ARFGEF1: variants seen among roughly 807,000 people sequenced by gnomAD.
ARFGEF1 encodes brefeldin A-inhibited guanine nucleotide-exchange protein 1.
ARFGEF1 carries 42 observed loss-of-function variants against 231.0 expected under a neutral mutation model. The observed-to-expected ratio is 0.18, with a 90% confidence interval of 0.14 to 0.24. The LOEUF (loss-of-function observed/expected upper bound fraction) is 0.24, where lower values mean the gene tolerates loss of function less well. Ranked by LOEUF, ARFGEF1 falls within the 10% of genes least tolerant of loss-of-function variation. ARFGEF1 has a pLI of 1.00. For missense variants in ARFGEF1, 1,345 were observed against 2,192.0 expected (o/e 0.61, Z 7.72); for synonymous variants, 710 against 732.3 (o/e 0.97, Z 0.49).
intron 1 of ARFGEF1, among the ~76,000 whole-genome samples, chr8:67,341,469 T>C (rs748383454): frequency 2.8e-4 from 42 of 148,940 alleles, no homozygotes; most frequent in South Asian, 1.5e-3. Context: ...TGTGGTGGTG[T>C]GCCTGAAGTC....
intron 4 of ARFGEF1, among the ~76,000 whole-genome samples, chr8:67,297,055 A>C (rs907979964): frequency 6.6e-6 from 1 of 152,242 alleles, no homozygotes; most frequent in African/African-American, 2.4e-5. Context: ...TAGTATACAC[A>C]GAATTTCTAC....
downstream of ARFGEF1, chr8:67,195,854 A>G (rs1288474028): frequency 1.5e-5 from 6 of 395,416 alleles, no homozygotes; most frequent in South Asian, 9.6e-5. Context: ...TTGAACTACT[A>G]TATGTGCATT....
intron 6 of ARFGEF1, among the ~76,000 whole-genome samples, chr8:67,289,648 A>C (rs1357976976): frequency 6.6e-6 from 1 of 151,458 alleles, no homozygotes; most frequent in African/African-American, 2.4e-5. Flanking sequence ...CTATAATTTC[A>C]CTTTTACTAA....
At chr8:67,208,986 G>A (rs995917868) in intron 34 of ARFGEF1, among the ~76,000 whole-genome samples, 8 of 152,222 alleles carry the variant, frequency 5.3e-5, no homozygotes, top group Non-Finnish European at 1.2e-4. Flanking sequence ...ATTGCTGGTG[G>A]GAATGTAAAA....
chr8:67,184,611 G>C, intron 5 of ARFGEF1, among the ~76,000 whole-genome samples: 1 of 151,748 alleles, frequency 6.6e-6, no homozygotes, highest in Non-Finnish European at 1.5e-5. Flanking sequence ...TGTAGTCCCA[G>C]CTATCTGGGA....
chr8:67,296,643 A>G (rs754094264), intron 4 of ARFGEF1, 33 bp from the exon 5 acceptor site: 13 of 1,510,844 alleles, frequency 8.6e-6, no homozygotes, highest in African/African-American at 1.4e-5. Context: ...AGTTAAAGAG[A>G]TTTTCTTTTT....
intron 22 of ARFGEF1, among the ~76,000 whole-genome samples, chr8:67,235,716 A>G (rs1321336988): frequency 6.6e-6 from 1 of 152,162 alleles, no homozygotes; most frequent in Non-Finnish European, 1.5e-5. Context: ...AATTTAAAAA[A>G]AAGTTGAGCC....
intron 1 of ARFGEF1, among the ~76,000 whole-genome samples, chr8:67,305,833 A>C (rs1806717161): frequency 6.6e-6 from 1 of 152,222 alleles, no homozygotes; most frequent in Non-Finnish European, 1.5e-5. Context: ...GATTAAATCA[A>C]ACTTGATTTC....
At chr8:67,180,076 A>G (rs1832656962) in intron 5 of ARFGEF1, 1 of 511,990 alleles carries the variant, frequency 2.0e-6, no homozygotes. Flanking sequence ...TATGCCTTGG[A>G]AAGTTTTCAA....
At chr8:67,201,813 T>A in intron 36 of ARFGEF1, 8 of 577,752 alleles carry the variant, frequency 1.4e-5, no homozygotes, top group Non-Finnish European at 2.3e-5. Context: ...TAAAAAAACT[T>A]GTGGCCTGGG....
rs765344426 is a variant in ARFGEF1, at chr8:67,249,506, C to T, written c.2850+1793G>A. Among the ~76,000 whole-genome samples the T allele has an allele frequency of 3.3e-5, 5 of 150,220 alleles. 1 individual carries two copies. Among genetic ancestry groups the T allele is most frequent in the Non-Finnish European group, 5.9e-5 (4 of 67,850 alleles). On this transcript the variant is annotated intron_variant, in intron 19 of 38. Transcript: ENST00000262215. ...ATAGGCAGATATACAGATAGACAGA[C>T]GGATAGATAAATCTACAGATATACT...
intron 19 of ARFGEF1, among the ~76,000 whole-genome samples, chr8:67,245,957 T>C (rs1173625569): frequency 6.7e-6 from 1 of 150,216 alleles, no homozygotes; most frequent in Non-Finnish European, 1.5e-5. Context: ...TATACTTGTA[T>C]CAGAAAAAAT....
At chr8:67,274,279 A>C (rs539738892) in intron 9 of ARFGEF1, among the ~76,000 whole-genome samples, 12 of 152,030 alleles carry the variant, frequency 7.9e-5, no homozygotes, top group South Asian at 4.1e-4. Context: ...GGAAGCAAAG[A>C]CAAAAAAAAG....
At chr8:67,217,196 T>C (rs1394096957) in intron 32 of ARFGEF1, among the ~76,000 whole-genome samples, 6 of 150,124 alleles carry the variant, frequency 4.0e-5, no homozygotes, top group Admixed American at 1.3e-4. Context: ...CCTAGCTACT[T>C]GGGAGGCTAA....
At chr8:67,256,131 T>C (rs969455989) in intron 17 of ARFGEF1, among the ~76,000 whole-genome samples, 2 of 152,086 alleles carry the variant, frequency 1.3e-5, no homozygotes, top group Non-Finnish European at 2.9e-5. Context: ...GACTGAAAAT[T>C]CTGGTGTAAA....
intron 1 of ARFGEF1, among the ~76,000 whole-genome samples, chr8:67,315,537 AC>A (rs540902801): frequency 2.2e-4 from 33 of 152,224 alleles, no homozygotes; most frequent in Non-Finnish European, 3.4e-4. Flanking sequence ...CTGAGATCAT[AC>A]AGAGTGTGTT....
At chr8:67,202,966 G>A (rs1257453462) in intron 36 of ARFGEF1, 117 bp downstream of exon 36, 2 of 1,069,540 alleles carry the variant, frequency 1.9e-6, no homozygotes, top group African/African-American at 1.6e-5. Context: ...TAAGGTCAGA[G>A]TACATATAGT....
chr8:67,272,850 G>A (rs1587185010), intron 9 of ARFGEF1, among the ~76,000 whole-genome samples: 1 of 152,104 alleles, frequency 6.6e-6, no homozygotes, highest in East Asian at 1.9e-4. Context: ...GCTCATGCCT[G>A]TAATCCCAGC....
At chr8:67,236,492 C>T (rs114350080) in intron 22 of ARFGEF1, among the ~76,000 whole-genome samples, 334 of 148,080 alleles carry the variant, frequency 2.3e-3, no homozygotes, top group African/African-American at 7.9e-3. Context: ...CAACATTCTG[C>T]TCCAGAAAGC....
Sources: allele counts gnomAD v4.1 joint callset (sites outside exome capture counted in the v4.1 genomes callset), GRCh38; gene constraint gnomAD v4.1.1; transcripts MANE v1.5; gene names NCBI Gene and HGNC (gene_info 2026-07-23, HGNC 2026-07-21).